The following SLC22A15 variants were observed in gnomAD, a reference collection of about 807,000 sequenced individuals.
The protein encoded by SLC22A15 is solute carrier family 22 member 15.
A neutral mutation model predicts 62.7 loss-of-function variants in SLC22A15; 45 were observed. The ratio of observed to expected loss-of-function variants is 0.72; its 90% confidence interval spans 0.56 to 0.92. SLC22A15 has a LOEUF of 0.92. Among genes scored for constraint, SLC22A15 ranks in the 40% least tolerant of loss-of-function variants. The probability of loss-of-function intolerance (pLI) is 0.00; values close to 1 mark genes in which losing one functional copy is unlikely to be tolerated. For synonymous variants in SLC22A15, 264 were observed against 267.0 expected, an observed-to-expected ratio of 0.99 and a Z score of 0.11; for missense variants, 622 against 665.6, an observed-to-expected ratio of 0.93 and a Z score of 0.72.
At chr1:116,042,873 T>G (rs1243550204) in intron 8 of SLC22A15, among the ~76,000 whole-genome samples, 1 of 152,190 alleles carries the variant, frequency 6.6e-6, no homozygotes, top group Non-Finnish European at 1.5e-5. Context: ...TGTATTCCAT[T>G]TGAAGTGCAC....
chr1:116,033,883 T>C (rs534115810), intron 6 of SLC22A15, among the ~76,000 whole-genome samples: 17 of 152,264 alleles, frequency 1.1e-4, no homozygotes, highest in African/African-American at 4.1e-4. Context: ...TAAGAAATCA[T>C]GCATAATACT....
chr1:115,998,352 GAGTAGGATTGGTATT>G (rs1655528879), intron 2 of SLC22A15, among the ~76,000 whole-genome samples: 1 of 152,058 alleles, frequency 6.6e-6, no homozygotes, highest in Non-Finnish European at 1.5e-5. Flanking sequence ...GGAGTACTTT[GAGTAGGATTGGTATT>G]AGTTCTTCTT....
At chr1:115,979,483 A>G (rs1342001801) in intron 1 of SLC22A15, among the ~76,000 whole-genome samples, 1 of 152,242 alleles carries the variant, frequency 6.6e-6, no homozygotes, top group Non-Finnish European at 1.5e-5. Context: ...TTGCCTATGT[A>G]AAAATGGTTG....
chr1:116,052,350 C>T (rs1470014109), intron 8 of SLC22A15, among the ~76,000 whole-genome samples: 1 of 152,222 alleles, frequency 6.6e-6, no homozygotes, highest in South Asian at 2.1e-4. Flanking sequence ...GGGGGAGGGG[C>T]GCCCGCCATT....
At chr1:116,052,238 A>C (rs1400998426) in intron 8 of SLC22A15, among the ~76,000 whole-genome samples, 2 of 152,142 alleles carry the variant, frequency 1.3e-5, no homozygotes, top group Non-Finnish European at 2.9e-5. Flanking sequence ...GGAAACCAGG[A>C]GATTATATCC....
At chr1:115,983,529 T>C (rs1342031399) in intron 1 of SLC22A15, among the ~76,000 whole-genome samples, 1 of 152,186 alleles carries the variant, frequency 6.6e-6, no homozygotes, top group Non-Finnish European at 1.5e-5. Flanking sequence ...GACTGTATAC[T>C]GTTGCGGGAG....
At chr1:116,048,375 C>T (rs6680467) in intron 8 of SLC22A15, among the ~76,000 whole-genome samples, 7,319 of 152,226 alleles carry the variant, frequency 0.048, 613 homozygotes, top group African/African-American at 0.17. Context: ...CTCAGATTAA[C>T]GGCAGATTTC....
chr1:116,033,236 G>T (rs181391748), intron 6 of SLC22A15, among the ~76,000 whole-genome samples: 10 of 152,250 alleles, frequency 6.6e-5, no homozygotes, highest in African/African-American at 2.4e-4. Flanking sequence ...TTCCACAATA[G>T]TGCCTTTTTA....
At chr1:115,990,731 C>G (rs1655103831) in intron 1 of SLC22A15, among the ~76,000 whole-genome samples, 1 of 152,088 alleles carries the variant, frequency 6.6e-6, no homozygotes, top group African/African-American at 2.4e-5. Context: ...CTCAGCCTTA[C>G]CCAGAATGGA....
intron 2 of SLC22A15, among the ~76,000 whole-genome samples, chr1:116,011,765 T>C (rs1224095638): frequency 6.6e-6 from 1 of 152,084 alleles, no homozygotes; most frequent in East Asian, 1.9e-4. Context: ...GAATGAATAG[T>C]TCACGGGGGA....
At chr1:116,020,586 AAAAG>A (rs1217478977) in intron 3 of SLC22A15, 131 bp from the exon 4 acceptor site, 7 of 800,378 alleles carry the variant, frequency 8.7e-6, no homozygotes, top group Non-Finnish European at 1.3e-5. Flanking sequence ...AAAAAAAACA[AAAAG>A]AAACCCACAA....
intron 2 of SLC22A15, among the ~76,000 whole-genome samples, chr1:115,996,438 A>G (rs1655429534): frequency 6.6e-6 from 1 of 152,182 alleles, no homozygotes; most frequent in South Asian, 2.1e-4. Flanking sequence ...TGAGTCTTCC[A>G]ATACATCAAC....
intron 8 of SLC22A15, among the ~76,000 whole-genome samples, chr1:116,044,959 A>G (rs1657889461): frequency 6.6e-6 from 1 of 152,204 alleles, no homozygotes; most frequent in African/African-American, 2.4e-5. Flanking sequence ...AGCACTCCCC[A>G]AACTGATTTA....
At chr1:115,997,771 G>T (rs1161329464) in intron 2 of SLC22A15, among the ~76,000 whole-genome samples, 1 of 151,600 alleles carries the variant, frequency 6.6e-6, no homozygotes, top group Non-Finnish European at 1.5e-5. Flanking sequence ...TTTCCAATTT[G>T]GATACTCTTT....
intron 2 of SLC22A15, among the ~76,000 whole-genome samples, 193 bp from the exon 3 acceptor site, chr1:116,019,383 CATAATA>C (rs1656704127): frequency 6.6e-6 from 1 of 152,174 alleles, no homozygotes; most frequent in African/African-American, 2.4e-5. Context: ...GGGAGTGCAT[CATAATA>C]ATAGTGATTT....
chr1:116,032,280 A>G (rs1657441893), intron 6 of SLC22A15: 1 of 985,288 alleles, frequency 1.0e-6, no homozygotes, highest in African/African-American at 1.7e-5. Context: ...GAAGTTGTAG[A>G]AAGAGGAGAA....
At chr1:116,060,348 AT>A (rs1308861951) in intron 8 of SLC22A15, among the ~76,000 whole-genome samples, 16 of 152,230 alleles carry the variant, frequency 1.1e-4, no homozygotes, top group Non-Finnish European at 2.4e-4. Context: ...TAATGCACGC[AT>A]TCTGTGGACA....
intron 4 of SLC22A15, among the ~76,000 whole-genome samples, chr1:116,022,025 G>A (rs1656862402): frequency 6.6e-6 from 1 of 152,186 alleles, no homozygotes; most frequent in Admixed American, 6.5e-5. Flanking sequence ...GAAGACACAA[G>A]GCTAAATAAA....
intron 1 of SLC22A15, among the ~76,000 whole-genome samples, chr1:115,981,438 G>A (rs1164313256): frequency 6.6e-6 from 1 of 152,178 alleles, no homozygotes; most frequent in East Asian, 1.9e-4. Context: ...GTCTCCTGAG[G>A]GTTTATGGTG....
Sources: allele counts gnomAD v4.1 joint callset (sites outside exome capture counted in the v4.1 genomes callset), GRCh38; gene constraint gnomAD v4.1.1; transcripts MANE v1.5; gene names NCBI Gene and HGNC (gene_info 2026-07-23, HGNC 2026-07-21).